The following SAMD12 variants were observed in gnomAD, a reference collection of about 807,000 sequenced individuals.
SAMD12 encodes sterile alpha motif domain containing 12.
A neutral mutation model predicts 15.0 loss-of-function variants in SAMD12; 9 were observed. The ratio of observed to expected loss-of-function variants is 0.60; its 90% CI spans 0.36 to 1.05. The LOEUF is 1.05. Ranked by LOEUF, SAMD12 falls within the 50% of genes least tolerant of loss-of-function variation. SAMD12 has a pLI of 0.01. For missense variants in SAMD12, 230 were observed against 234.2 expected, an observed-to-expected ratio of 0.98 and a Z score of 0.12; for synonymous variants, 86 against 90.1, an observed-to-expected ratio of 0.96 and a Z score of 0.25.
At chr8:118,466,826 A>T (rs1823609014) in intron 2 of SAMD12, among the ~76,000 whole-genome samples, 1 of 152,172 alleles carries the variant, frequency 6.6e-6, no homozygotes, top group South Asian at 2.1e-4. Context: ...TTGTGTGTTA[A>T]GAAGGAAAAT....
rs1563799861 is a variant in SAMD12, at chr8:118,366,841, TAAAATAA to T, written c.433+12712_433+12718del. On this transcript the variant is annotated intron_variant, in intron 4 of 4. Transcript: ENST00000409003. ...TAAAATAAAATAAAATAAAATAAAA[TAAAATAA>T]AATAAAATAAAATAAAATAAAATAA... 1.7e-4 allele frequency among the ~76,000 whole-genome samples: 15 copies of T among 88,698 alleles called. 1 individual carries two copies. The highest frequency in any genetic ancestry group is 7.8e-4 in the South Asian group (2 of 2,578). 58.2% of individuals were successfully genotyped at this position (88,698 alleles called of 152,430 possible).
chr8:118,462,473 C>T (rs76671112), intron 2 of SAMD12, among the ~76,000 whole-genome samples: 379 of 152,208 alleles, frequency 2.5e-3, no homozygotes, highest in African/African-American at 8.3e-3. Context: ...TCACACAAGC[C>T]GGATACTCTG....
intron 2 of SAMD12, among the ~76,000 whole-genome samples, chr8:118,509,906 T>C (rs1825027580): frequency 6.6e-6 from 1 of 152,174 alleles, no homozygotes; most frequent in Non-Finnish European, 1.5e-5. Context: ...GTACAACAGA[T>C]TTTAATAATA....
chr8:118,527,788 T>C (rs1384091890), intron 2 of SAMD12, among the ~76,000 whole-genome samples: 1 of 152,220 alleles, frequency 6.6e-6, no homozygotes, highest in African/African-American at 2.4e-5. Context: ...TAGGGATATC[T>C]GCTGAAGCTT....
intron 2 of SAMD12, among the ~76,000 whole-genome samples, chr8:118,440,697 A>ACACACACAAAC (rs1563861873): frequency 1.9e-5 from 1 of 52,368 alleles, no homozygotes; most frequent in South Asian, 6.4e-4. Context: ...CACACACACA[A>ACACACACAAAC]ACACACACAC....
chr8:118,522,199 TACAC>T (rs1554679226), intron 2 of SAMD12, among the ~76,000 whole-genome samples: 17 of 15,812 alleles, frequency 1.1e-3, no homozygotes, highest in African/African-American at 2.4e-3. Context: ...CACACACACA[TACAC>T]ACACACACAC....
At chr8:118,353,556 T>C (rs1263712832) in intron 4 of SAMD12, among the ~76,000 whole-genome samples, 2 of 152,104 alleles carry the variant, frequency 1.3e-5, no homozygotes, top group Non-Finnish European at 2.9e-5. Flanking sequence ...GCAACTTGAT[T>C]TTGGACTTTC....
At chr8:118,254,785 A>G (rs1812895112) in intron 4 of SAMD12, among the ~76,000 whole-genome samples, 1 of 151,658 alleles carries the variant, frequency 6.6e-6, no homozygotes, top group Admixed American at 6.6e-5. Flanking sequence ...GTGATTTTCC[A>G]TCTTTCTCTG....
intron 3 of SAMD12, among the ~76,000 whole-genome samples, chr8:118,424,634 G>C (rs774097908): frequency 6.6e-6 from 1 of 152,124 alleles, no homozygotes; most frequent in Non-Finnish European, 1.5e-5. Context: ...AGGGAACATG[G>C]GGGATCAAAC....
In SAMD12 at chr8:118,580,844, A is replaced by G. The variant is rs1336527964; in HGVS notation, c.63T>C (p.Ala21=). ...NPRGIDHPAH[A]EGIKLQIEGE... The stretch of plus-strand genomic sequence containing the variant: ...CTTCAATTTGCAGTTTAATACCTTC[A>G]GCATGGGCAGGGTGATCAATACCCC... The change falls in exon 2 of 4, where the codon GCT becomes GCC. Residue 21 remains alanine, a synonymous_variant. Transcript: ENST00000314727. The G allele has an allele frequency of 6.2e-7, 1 of 1,613,294 alleles. No individual in the cohort carries two copies. Among genetic ancestry groups the G allele is most frequent in the Admixed American group, 1.7e-5 (1 of 59,940 alleles).
rs192750659 is a variant in SAMD12, at chr8:118,240,679, T to A, written c.434-42947A>T. Among the ~76,000 whole-genome samples the A allele has an allele frequency of 2.0e-4, 30 of 152,276 alleles. No individual in the cohort carries two copies. The East Asian group carries it at 5.4e-3, about 27-fold the overall frequency. ...TTATTGTTATTATAATCTTTTGAGC[T>A]CATTTGGCAAATATTTAAAATACTG... On this transcript the variant is annotated intron_variant, in intron 4 of 4. Transcript: ENST00000409003.
the SAMD12 span, among the ~76,000 whole-genome samples, chr8:118,158,668 C>T: frequency 6.6e-6 from 1 of 152,214 alleles, no homozygotes; most frequent in East Asian, 1.9e-4. Context: ...TTCTGTGGAC[C>T]AGAGTGAGAA....
At position 118,566,999 on chromosome 8, in the gene SAMD12, C is replaced by G. The variant is rs568653341; in HGVS notation, c.192+13716G>C. Reference sequence around the variant, plus strand: ...ACATGTTTTTTCCAAACCACCTTGCCAAAACATTTCCTGAGGATAAAGGTG... The same window carrying G: ...ACATGTTTTTTCCAAACCACCTTGCGAAAACATTTCCTGAGGATAAAGGTG... On this transcript the variant is annotated intron_variant, in intron 2 of 3. Transcript: ENST00000314727. Among the ~76,000 whole-genome samples, 13 of 152,182 alleles carry G rather than the reference C, an allele frequency of 8.5e-5. No homozygotes were observed. The South Asian group carries it at 1.7e-3, about 19-fold the overall frequency.
At chr8:118,617,921 TAC>T (rs1321375486) in intron 1 of SAMD12, among the ~76,000 whole-genome samples, 1 of 152,186 alleles carries the variant, frequency 6.6e-6, no homozygotes, top group African/African-American at 2.4e-5. Context: ...TAACCGTCTA[TAC>T]ACAGTCTGTC....
chr8:118,269,218 C>G (rs867545165), intron 4 of SAMD12, among the ~76,000 whole-genome samples: 7 of 115,750 alleles, frequency 6.0e-5, no homozygotes, highest in South Asian at 6.6e-4. Flanking sequence ...CTCTCTCTCT[C>G]TCTGTGTGTG....
intron 2 of SAMD12, among the ~76,000 whole-genome samples, chr8:118,474,180 C>T (rs562524596): frequency 6.6e-6 from 1 of 151,988 alleles, no homozygotes; most frequent in South Asian, 2.1e-4. Context: ...AGGCTGGTGT[C>T]GAACTCCTGA....
At chr8:118,413,146 G>A (rs770722225) in intron 3 of SAMD12, among the ~76,000 whole-genome samples, 4 of 151,672 alleles carry the variant, frequency 2.6e-5, no homozygotes, top group South Asian at 2.1e-4. Flanking sequence ...GACAAGTGAC[G>A]GAGCCCAGCC....
At chr8:118,289,567 TG>T (rs1814247624) in intron 4 of SAMD12, among the ~76,000 whole-genome samples, 1 of 152,158 alleles carries the variant, frequency 6.6e-6, no homozygotes, top group Non-Finnish European at 1.5e-5. Context: ...CATGCTCAGG[TG>T]GTTTAAAAAT....
rs572007402 is a variant in SAMD12, at chr8:118,576,409, G to A, written c.192+4306C>T. Among the ~76,000 whole-genome samples, 7 of 152,218 alleles carry A rather than the reference G, an allele frequency of 4.6e-5. No individual in the cohort carries two copies. In the East Asian group the frequency reaches 9.6e-4, roughly 21 times the overall value. On this transcript the variant is annotated intron_variant, in intron 2 of 3. Coordinates refer to ENST00000314727, the MANE Select transcript of SAMD12 (RefSeq NM_207506.3). ...GGCCCCAGCCTATTGTTCCAGACTC[G>A]ATTTCTGCCACACAAACTCTTACTT... is the stretch of plus-strand genomic sequence containing the variant.
Sources: gnomAD v4.1 joint callset for allele counts (sites outside exome capture counted in the v4.1 genomes callset) on GRCh38, gnomAD v4.1.1 for gene constraint, MANE v1.5 for transcripts, NCBI Gene and HGNC (gene_info 2026-07-23, HGNC 2026-07-21) for gene names.